Variants in ANKZF1 observed in about 807,000 individuals in gnomAD.
The protein encoded by ANKZF1 is ankyrin repeat and zinc finger peptidyl tRNA hydrolase 1, also known as tRNA endonuclease ANKZF1.
Under a neutral mutation model 86.0 loss-of-function variants are expected in ANKZF1, and 84 were observed. The ratio of observed to expected loss-of-function variants is 0.98; its 90% CI spans 0.82 to 1.17. The LOEUF (loss-of-function observed/expected upper bound fraction) is 1.17, where lower values mean the gene tolerates loss of function less well. Among genes scored for constraint, ANKZF1 ranks in the 50% most tolerant of loss-of-function variants. The pLI, the probability that ANKZF1 is intolerant of heterozygous loss-of-function variation, is 0.00. For synonymous variants in ANKZF1, 331 were observed against 354.2 expected (o/e 0.93, Z 0.74); for missense variants, 893 against 918.4 (o/e 0.97, Z 0.36).
chr2:219,235,170 A>C lies in ANKZF1; in HGVS notation c.1549A>C (p.Ser517Arg), dbSNP rs1453284166. 6.2e-7 allele frequency: 1 copy of C among 1,614,068 alleles called. No homozygotes were observed. The highest frequency in any genetic ancestry group is 8.5e-7 in the Non-Finnish European group (1 of 1,180,046). The stretch of plus-strand genomic sequence containing the variant: ...AGTGCTAAAGCTGCAGCTAGCTCCC[A>C]GCCCTGCAGACCCTAGAGTTCTGTC... ...VGVLKLQLAP[S>R]PADPRVLSLL... is the part of the protein sequence containing the mutation. Residue 517 changes from serine to arginine, a missense_variant, in exon 10 of 14, where the codon AGC becomes CGC. Coordinates refer to ENST00000323348, the MANE Select transcript of ANKZF1 (RefSeq NM_018089.3).
chr2:219,234,764 G>T (rs371881255), intron 9 of ANKZF1, 62 bp from the exon 10 acceptor site: 1 of 1,521,786 alleles, frequency 6.6e-7, no homozygotes, highest in Admixed American at 2.2e-5. Context: ...TCATTCTTAT[G>T]CATCTGCTTC....
chr2:219,232,201 G>T (rs533863754), intron 3 of ANKZF1, 59 bp from the exon 4 acceptor site: 2 of 1,562,024 alleles, frequency 1.3e-6, no homozygotes, highest in African/African-American at 2.7e-5. Flanking sequence ...GTCTTGGCCA[G>T]TACAAGGCCA....
At chr2:219,232,959 A>G in intron 5 of ANKZF1, 120 bp from the exon 6 acceptor site, 2 of 1,027,900 alleles carry the variant, frequency 1.9e-6, no homozygotes, top group South Asian at 3.0e-5. Flanking sequence ...TTGTTTGTCA[A>G]ATGGAAACAA....
chr2:219,232,497 T>A lies in ANKZF1; in HGVS notation c.372T>A (p.Leu124=), dbSNP rs1426700151. ...CATATTGTCTGTCTTCAGGAGATCT[T>A]TCCAGCATCTCGGGATCAGAAGACT... is the stretch of plus-strand genomic sequence containing the variant. ...DFEKQSSTGD[L]SSISGSEDSD... is the part of the protein sequence containing the mutation. The change falls in exon 5 of 14, where the codon CTT becomes CTA. Residue 124 remains leucine, a synonymous_variant. Coordinates refer to ENST00000323348, the MANE Select transcript of ANKZF1 (RefSeq NM_018089.3). The A allele has an allele frequency of 1.2e-6, 2 of 1,614,148 alleles. No homozygotes were observed. The highest frequency in any genetic ancestry group is 2.2e-5 in the South Asian group (2 of 91,076).
In ANKZF1 at chr2:219,236,074, ACT is replaced by A. The variant is rs756707140; in HGVS notation, c.2039_2040del (p.Ser680CysfsTer?). The stretch of plus-strand genomic sequence containing the variant: ...GGAGCCCCTACCTCTCCAATCCCTG[ACT>A]CTGCAATCGTCAATACTCGGTATGG... On this transcript the variant is annotated frameshift_variant, in exon 13 of 14. Coordinates refer to ENST00000323348, the MANE Select transcript of ANKZF1 (RefSeq NM_018089.3). LOFTEE classifies it high-confidence loss of function. The A allele has an allele frequency of 3.1e-6, 5 of 1,613,976 alleles. No homozygotes were observed. The highest frequency in any genetic ancestry group is 1.1e-5 in the South Asian group (1 of 91,074).
chr2:219,231,729 T>TCTGAAAACA (rs1951043356), intron 2 of ANKZF1, 199 bp from the exon 3 acceptor site: 1 of 534,432 alleles, frequency 1.9e-6, no homozygotes, highest in Non-Finnish European at 3.3e-6. Context: ...TACGTACATG[T>TCTGAAAACA]TTTCAGAAGC....
chr2:219,234,873 G>C lies in ANKZF1; in HGVS notation c.1252G>C (p.Val418Leu). The change falls in exon 10 of 14, where the codon GTG becomes CTG. Residue 418 changes from valine to leucine, a missense_variant. By Grantham distance (32) the Val-to-Leu change is conservative. Coordinates refer to ENST00000323348, the MANE Select transcript of ANKZF1 (RefSeq NM_018089.3). ...EDGFQVELELVELTVGTLDLC... is the reference protein window; with the variant it reads ...EDGFQVELELLELTVGTLDLC... Reference sequence around the variant, plus strand: ...TGGCTTTCAGGTAGAGTTGGAGCTAGTGGAGTTGACTGTGGGGACTCTGGA... The same window carrying C: ...TGGCTTTCAGGTAGAGTTGGAGCTACTGGAGTTGACTGTGGGGACTCTGGA... 6.2e-7 allele frequency: 1 copy of C among 1,614,134 alleles called. No homozygotes were observed.
chr2:219,230,379 C>G lies in ANKZF1; in HGVS notation c.122C>G (p.Ala41Gly). The G allele has an allele frequency of 6.2e-7, 1 of 1,611,832 alleles. No individual in the cohort carries two copies. The highest frequency in any genetic ancestry group is 8.5e-7 in the Non-Finnish European group (1 of 1,178,418). The stretch of plus-strand genomic sequence containing the variant: ...AGCCACGCGCCTGGGGAGGCTCTGG[C>G]CCGGGCTCCGCGTACTTCCTGTTCA... ...LVSHAPGEAL[A>G]RAPRTSCSGS... is the part of the protein sequence containing the mutation. The change falls in exon 2 of 14, where the codon GCC becomes GGC. Residue 41 changes from alanine (A) to glycine (G), a missense_variant. By Grantham distance (60) the Ala-to-Gly change is moderately conservative. Coordinates refer to ENST00000323348, the MANE Select transcript of ANKZF1 (RefSeq NM_018089.3).
chr2:219,235,982 T>C (rs749521910), intron 12 of ANKZF1, 28 bp from the exon 13 acceptor site: 7 of 1,614,032 alleles, frequency 4.3e-6, no homozygotes, highest in Non-Finnish European at 5.9e-6. Flanking sequence ...ACTGGGGCCT[T>C]GTCCTTAACA....
Position 219,235,479 on chromosome 2 carries a change from C to CT in ANKZF1, c.1698dup (p.Arg567SerfsTer11). ...TTTGGAGTTTTTGCACCTAGGGACT[C>CT]TCGGGCCCGGCCACCTTATACTGTT... On this transcript the variant is annotated frameshift_variant, in exon 11 of 14. Coordinates refer to ENST00000323348, the MANE Select transcript of ANKZF1 (RefSeq NM_018089.3). LOFTEE classifies it high-confidence loss of function. 6.2e-7 allele frequency: 1 copy of CT among 1,613,920 alleles called. No homozygotes were observed.
intron 5 of ANKZF1, 47 bp downstream of exon 5, chr2:219,232,730 C>T (rs1444205894): frequency 6.4e-7 from 1 of 1,572,134 alleles, no homozygotes; most frequent in African/African-American, 1.4e-5. Flanking sequence ...CTTTTGTACA[C>T]CCAGCCTAGA....
chr2:219,235,634 C>A, intron 11 of ANKZF1, 49 bp downstream of exon 11: 2 of 1,611,940 alleles, frequency 1.2e-6, no homozygotes, highest in Non-Finnish European at 1.7e-6. Flanking sequence ...ATCACAGATC[C>A]TGGCTAGATC....
At chr2:219,230,201 C>T in intron 1 of ANKZF1, 27 bp from the exon 2 acceptor site, 2 of 1,583,864 alleles carry the variant, frequency 1.3e-6, no homozygotes, top group Non-Finnish European at 1.7e-6. Context: ...TGCAGGAGCC[C>T]TGTTTCTTAC....
Position 219,236,586 on chromosome 2 carries a change from G to A in ANKZF1, c.*141G>A. ...ACACTCGGGAACTAGGGCAAAGACA[G>A]GGCTAGAGGTATGTGGAGCTGGTAC... On this transcript the variant is annotated 3_prime_UTR_variant, in exon 14 of 14. Coordinates refer to ENST00000323348, the MANE Select transcript of ANKZF1 (RefSeq NM_018089.3). 2 of 1,133,426 alleles carry A rather than the reference G, an allele frequency of 1.8e-6. No homozygotes were observed. The highest frequency in any genetic ancestry group is 3.2e-5 in the South Asian group (2 of 62,930). The allele number at this position is 1,133,426 out of a possible 1,614,324, so 70.2% of individuals were successfully genotyped here.
At chr2:219,231,301 G>C (rs1397880460) in intron 2 of ANKZF1, 9 of 218,560 alleles carry the variant, frequency 4.1e-5, no homozygotes, top group Non-Finnish European at 8.2e-5. Context: ...CTACGTTGGA[G>C]AAGTTTAACC....
At chr2:219,233,468 C>T in intron 7 of ANKZF1, 35 bp downstream of exon 7, 1 of 1,549,006 alleles carries the variant, frequency 6.5e-7, no homozygotes, top group Non-Finnish European at 8.7e-7. Context: ...TGGTACTGAT[C>T]CATACTTTTT....
In ANKZF1 at chr2:219,232,025, G is replaced by A. The variant is rs775071287; in HGVS notation, c.246G>A (p.Gln82=). 6.2e-7 allele frequency: 1 copy of A among 1,603,852 alleles called. No homozygotes were observed. Among genetic ancestry groups the A allele is most frequent in the South Asian group, 1.1e-5 (1 of 90,122 alleles). The change falls in exon 3 of 14, where the codon CAG becomes CAA. Residue 82 remains glutamine (Q), a synonymous_variant. Transcript: ENST00000323348. The stretch of plus-strand genomic sequence containing the variant: ...GTTCAACTTGTGACCAGACCTTCCA[G>A]AACCACCAAGAACAGGTAATAGGTC... ...LFCSTCDQTF[Q]NHQEQREHYK...
chr2:219,232,465 T>G, intron 4 of ANKZF1, 25 bp from the exon 5 acceptor site: 1 of 1,612,670 alleles, frequency 6.2e-7, no homozygotes, highest in South Asian at 1.1e-5. Flanking sequence ...ACCAAACTTG[T>G]GTATCTCATA....
At chr2:219,231,848 T>C in intron 2 of ANKZF1, 80 bp from the exon 3 acceptor site, 1 of 1,165,716 alleles carries the variant, frequency 8.6e-7, no homozygotes, top group Non-Finnish European at 1.3e-6. Flanking sequence ...CTCTGCTTTG[T>C]ATATCACACT....
Sources: gnomAD v4.1 joint callset for allele counts on GRCh38, gnomAD v4.1.1 for gene constraint, MANE v1.5 for transcripts, NCBI Gene and HGNC (gene_info 2026-07-23, HGNC 2026-07-21) for gene names.